Variants in PTPRQ observed in about 807,000 individuals in gnomAD.
PTPRQ encodes the protein phosphatidylinositol phosphatase PTPRQ.
A neutral mutation model predicts 246.0 loss-of-function variants in PTPRQ; 199 were observed. The ratio of observed to expected loss-of-function variants is 0.81; its 90% CI spans 0.72 to 0.91. The LOEUF is 0.91. Ranked by LOEUF, PTPRQ falls within the 40% of genes least tolerant of loss-of-function variation. The probability of loss-of-function intolerance (pLI) is 0.00; values close to 1 mark genes in which losing one functional copy is unlikely to be tolerated. For missense variants in PTPRQ, 2,624 were observed against 2,528.4 expected, an observed-to-expected ratio of 1.04 and a Z score of -0.81; for synonymous variants, 869 against 853.2, an observed-to-expected ratio of 1.02 and a Z score of -0.32.
intron 6 of PTPRQ, among the ~76,000 whole-genome samples, chr12:80,463,846 C>G (rs1157553313): frequency 6.6e-6 from 1 of 150,782 alleles, no homozygotes; most frequent in African/African-American, 2.5e-5. Context: ...CAGGCCTGCC[C>G]TAAAAGAGCT....
At chr12:80,571,694 G>A (rs1897150287) in intron 25 of PTPRQ, among the ~76,000 whole-genome samples, 1 of 151,804 alleles carries the variant, frequency 6.6e-6, no homozygotes. Flanking sequence ...TGAATTTTGG[G>A]TGTGTAGTAT....
intron 25 of PTPRQ, chr12:80,561,068 A>C (rs1008846397): frequency 6.5e-6 from 1 of 152,792 alleles, no homozygotes; most frequent in East Asian, 1.9e-4. Context: ...ATCACATGTA[A>C]GTTTCACAAA....
chr12:80,625,424 A>G (rs555743344), intron 33 of PTPRQ, among the ~76,000 whole-genome samples: 1 of 152,150 alleles, frequency 6.6e-6, no homozygotes, highest in Non-Finnish European at 1.5e-5. Context: ...CACCACAGGC[A>G]ATGAGCACTA....
intron 17 of PTPRQ, among the ~76,000 whole-genome samples, chr12:80,523,736 G>T (rs186762170): frequency 2.0e-5 from 3 of 152,278 alleles, no homozygotes; most frequent in Admixed American, 2.0e-4. Context: ...GAGATAGTTT[G>T]TTATAATTTC....
rs1234490953 is a variant in PTPRQ at position 80,495,984 on chromosome 12, C to T, written c.1883-15C>T. The T allele has an allele frequency of 1.9e-6, 3 of 1,545,144 alleles. No individual in the cohort carries two copies. Among genetic ancestry groups the T allele is most frequent in the Non-Finnish European group, 2.6e-6 (3 of 1,144,816 alleles). ...ATTTTAAGGACATTAAACAGTTTGT[C>T]TCTTGTCCTTATAGGGTTAAAGAAA... On this transcript the variant is annotated splice_polypyrimidine_tract_variant and intron_variant, in intron 12 of 44. Transcript: ENST00000644991.
chr12:80,646,141 G>A (rs985099952), intron 35 of PTPRQ, among the ~76,000 whole-genome samples: 1 of 152,228 alleles, frequency 6.6e-6, no homozygotes, highest in South Asian at 2.1e-4. Context: ...AGTATGGATA[G>A]GAGCAGCTTG....
chr12:80,612,388 A>AAAAC (rs1241679963), intron 28 of PTPRQ, among the ~76,000 whole-genome samples: 3 of 150,480 alleles, frequency 2.0e-5, no homozygotes, highest in Admixed American at 1.3e-4. Context: ...CATTGTTGGT[A>AAAAC]AAACAAACAA....
chr12:80,616,068 C>G (rs1191090449), intron 29 of PTPRQ, 132 bp from the exon 30 acceptor site: 1 of 462,366 alleles, frequency 2.2e-6, no homozygotes, highest in Admixed American at 5.5e-5. Context: ...TACATGTAAC[C>G]ATAATCAGTT....
intron 17 of PTPRQ, among the ~76,000 whole-genome samples, chr12:80,531,279 A>C (rs1895835707): frequency 6.6e-6 from 1 of 152,174 alleles, no homozygotes; most frequent in Non-Finnish European, 1.5e-5. Context: ...TGATAAGAGA[A>C]AAAAATCAGG....
chr12:80,593,006 A>G (rs1464387026), intron 26 of PTPRQ, among the ~76,000 whole-genome samples: 1 of 152,172 alleles, frequency 6.6e-6, no homozygotes, highest in East Asian at 1.9e-4. Flanking sequence ...GCCAGACTCC[A>G]TCTCAAAAAT....
intron 25 of PTPRQ, among the ~76,000 whole-genome samples, chr12:80,558,032 CCT>C (rs935184710): frequency 4.0e-5 from 6 of 151,132 alleles, no homozygotes; most frequent in Admixed American, 1.3e-4. Context: ...AATCTTCCTT[CCT>C]CTCTCTCTCT....
intron 30 of PTPRQ, 96 bp downstream of exon 30, chr12:80,616,362 T>C (rs1898762224): frequency 8.5e-7 from 1 of 1,177,182 alleles, no homozygotes; most frequent in East Asian, 3.5e-5. Flanking sequence ...AGCCTTTAAG[T>C]GATAAATATG....
intron 25 of PTPRQ, among the ~76,000 whole-genome samples, chr12:80,569,522 T>C (rs913341631): frequency 4.0e-5 from 6 of 151,564 alleles, no homozygotes; most frequent in Middle Eastern, 3.4e-3. Flanking sequence ...ACATGTACCC[T>C]AAAACTTACA....
In PTPRQ at chr12:80,678,712, G is replaced by A. The variant is rs1436625611; in HGVS notation, c.6849G>A (p.Leu2283=). The change falls in exon 44 of 45, where the codon TTG becomes TTA. Residue 2283 remains leucine, a synonymous_variant. Coordinates refer to ENST00000644991, the MANE Select transcript of PTPRQ (RefSeq NM_001145026.2). ...NYSALQKMDS[L]DAMEGDVELE... ...CAGCACTTCAGAAGATGGACTCTTTGGACGCCATGGAAGGTAAACAGAAAC... is the reference window on the plus strand; with the variant it reads ...CAGCACTTCAGAAGATGGACTCTTTAGACGCCATGGAAGGTAAACAGAAAC... 1.3e-6 allele frequency: 2 copies of A among 1,548,832 alleles called. No individual in the cohort carries two copies. The highest frequency in any genetic ancestry group is 1.7e-6 in the Non-Finnish European group (2 of 1,145,546).
intron 14 of PTPRQ, among the ~76,000 whole-genome samples, chr12:80,505,747 A>G (rs909467126): frequency 6.6e-6 from 1 of 151,918 alleles, no homozygotes; most frequent in Non-Finnish European, 1.5e-5. Flanking sequence ...TCAGTGCAAG[A>G]TATGTTCCTA....
chr12:80,448,939 G>T (rs1000183664), intron 3 of PTPRQ, among the ~76,000 whole-genome samples: 2 of 148,540 alleles, frequency 1.3e-5, no homozygotes, highest in Non-Finnish European at 3.0e-5. Context: ...AGATCCCTGA[G>T]GAATCGCCAC....
intron 25 of PTPRQ, among the ~76,000 whole-genome samples, chr12:80,574,274 T>G (rs1315774051): frequency 6.6e-6 from 1 of 152,152 alleles, no homozygotes; most frequent in Admixed American, 6.5e-5. Flanking sequence ...TGTGAATTAT[T>G]TGTATTGTAT....
intron 17 of PTPRQ, among the ~76,000 whole-genome samples, chr12:80,519,163 T>G (rs749670020): frequency 6.6e-6 from 1 of 152,080 alleles, no homozygotes; most frequent in Non-Finnish European, 1.5e-5. Context: ...TTCATCAATG[T>G]TTTATAGTTT....
chr12:80,522,018 T>G (rs898135123), intron 17 of PTPRQ, among the ~76,000 whole-genome samples: 26 of 152,242 alleles, frequency 1.7e-4, no homozygotes, highest in Non-Finnish European at 2.8e-4. Context: ...TCCATTTGTT[T>G]GTATCCTCTT....
Sources: allele counts gnomAD v4.1 joint callset (sites outside exome capture counted in the v4.1 genomes callset), GRCh38; gene constraint gnomAD v4.1.1; transcripts MANE v1.5; gene names NCBI Gene and HGNC (gene_info 2026-07-23, HGNC 2026-07-21).